The following AMBRA1 variants were observed in gnomAD, a reference collection of about 807,000 sequenced individuals.
The protein encoded by AMBRA1 is activating molecule in BECN1-regulated autophagy protein 1.
AMBRA1 carries 47 observed loss-of-function variants against 125.4 expected under a neutral mutation model. That is an observed-to-expected ratio of 0.37 (90% CI 0.30 to 0.48). AMBRA1 has a LOEUF of 0.48. Among genes scored for constraint, AMBRA1 ranks in the 20% least tolerant of loss-of-function variants. AMBRA1 has a pLI of 0.99. For synonymous variants in AMBRA1, 626 were observed against 655.5 expected (o/e 0.95, Z 0.69); for missense variants, 1,331 against 1,693.4 (o/e 0.79, Z 3.76).
intron 1 of AMBRA1, among the ~76,000 whole-genome samples, chr11:46,579,466 A>C (rs1208018014): frequency 6.6e-6 from 1 of 152,168 alleles, no homozygotes; most frequent in East Asian, 1.9e-4. Flanking sequence ...TCAATAAATA[A>C]ATAAATTAAG....
At chr11:46,573,661 T>C (rs1051118421) in intron 1 of AMBRA1, among the ~76,000 whole-genome samples, 2 of 138,346 alleles carry the variant, frequency 1.4e-5, no homozygotes, top group Non-Finnish European at 3.1e-5. Flanking sequence ...AGAATCCTTT[T>C]TCTTTTTTTT....
At chr11:46,578,142 C>A (rs1459657320) in intron 1 of AMBRA1, among the ~76,000 whole-genome samples, 5 of 151,980 alleles carry the variant, frequency 3.3e-5, no homozygotes, top group Non-Finnish European at 7.4e-5. Flanking sequence ...GCTAGGAGAA[C>A]TAAAAAGGAC....
intron 11 of AMBRA1, among the ~76,000 whole-genome samples, chr11:46,464,870 C>A (rs1342441552): frequency 1.3e-5 from 2 of 151,954 alleles, no homozygotes; most frequent in African/African-American, 4.8e-5. Context: ...CAGGGTGAAA[C>A]CCCGTCTCTA....
chr11:46,495,107 C>T (rs1036631863), intron 9 of AMBRA1: 1 of 152,214 alleles, frequency 6.6e-6, no homozygotes, highest in Non-Finnish European at 1.5e-5. Flanking sequence ...CTGCTTCCTA[C>T]AAGAGAAGAG....
intron 7 of AMBRA1, among the ~76,000 whole-genome samples, chr11:46,537,310 C>T (rs1050914635): frequency 3.9e-5 from 6 of 152,164 alleles, no homozygotes; most frequent in Non-Finnish European, 7.3e-5. Context: ...TCAAATGAAA[C>T]GGAGGAAAGG....
At chr11:46,591,941 A>ATT (rs1167665024) in intron 1 of AMBRA1, among the ~76,000 whole-genome samples, 3,824 of 115,082 alleles carry the variant, frequency 0.033, 277 homozygotes, top group African/African-American at 0.12. Flanking sequence ...CTCAAGACTG[A>ATT]TTTTTTTTTT....
chr11:46,449,740 T>C (rs1948479853), intron 11 of AMBRA1, among the ~76,000 whole-genome samples: 1 of 152,032 alleles, frequency 6.6e-6, no homozygotes, highest in Non-Finnish European at 1.5e-5. Flanking sequence ...AAACACAAAA[T>C]TGGAGGATTG....
At chr11:46,548,220 A>T (rs752761814) in intron 2 of AMBRA1, 26 bp downstream of exon 2, 1 of 1,613,898 alleles carries the variant, frequency 6.2e-7, no homozygotes, top group Non-Finnish European at 8.5e-7. Context: ...CACAAATCCT[A>T]TGTGAAATAT....
At chr11:46,422,085 A>G (rs1946873789) in intron 14 of AMBRA1, among the ~76,000 whole-genome samples, 2 of 152,202 alleles carry the variant, frequency 1.3e-5, no homozygotes, top group South Asian at 4.1e-4. Context: ...CACAAGAGAC[A>G]TGCCGTGCAG....
chr11:46,411,222 T>C (rs1170429462), intron 15 of AMBRA1, among the ~76,000 whole-genome samples: 5 of 151,866 alleles, frequency 3.3e-5, no homozygotes, highest in Non-Finnish European at 5.9e-5. Context: ...AAAAGTCAGC[T>C]ATTTAACCTA....
intron 5 of AMBRA1, among the ~76,000 whole-genome samples, chr11:46,545,161 CGG>C (rs59510298): frequency 0.43 from 14,612 of 33,912 alleles, 1,549 homozygotes; most frequent in South Asian, 0.52. Context: ...AAAAAAAAGC[CGG>C]GGGGGGGGGG....
chr11:46,575,795 G>GT (rs2043942930), intron 1 of AMBRA1, among the ~76,000 whole-genome samples: 1 of 152,168 alleles, frequency 6.6e-6, no homozygotes, highest in African/African-American at 2.4e-5. Flanking sequence ...GATTATAGGC[G>GT]TGAGCCTCCG....
At chr11:46,435,153 C>T in intron 12 of AMBRA1, 116 bp from the exon 13 acceptor site, 1 of 883,888 alleles carries the variant, frequency 1.1e-6, no homozygotes, top group Non-Finnish European at 1.7e-6. Flanking sequence ...TCTAGAAATG[C>T]TAAAGAATAC....
intron 7 of AMBRA1, among the ~76,000 whole-genome samples, chr11:46,527,476 T>A (rs1952024489): frequency 4.0e-4 from 4 of 10,038 alleles, no homozygotes; most frequent in South Asian, 1.7e-3. Flanking sequence ...TGAGACTGTC[T>A]CAAAAAAAAA....
At chr11:46,536,788 A>G (rs140622888) in intron 7 of AMBRA1, among the ~76,000 whole-genome samples, 1 of 152,286 alleles carries the variant, frequency 6.6e-6, no homozygotes, top group East Asian at 1.9e-4. Context: ...TCCCCCATAA[A>G]AGTCTAAGAA....
chr11:46,477,661 A>C (rs1040512964), intron 11 of AMBRA1, among the ~76,000 whole-genome samples: 2 of 152,100 alleles, frequency 1.3e-5, no homozygotes, highest in East Asian at 3.9e-4. Flanking sequence ...TTTATTGTAC[A>C]TAGGCTATAC....
chr11:46,417,790 G>C, intron 15 of AMBRA1, 123 bp downstream of exon 15: 1 of 1,211,128 alleles, frequency 8.3e-7, no homozygotes. Context: ...GAGTGGCGCT[G>C]AGAATGAGGC....
At chr11:46,485,442 C>T (rs1950232026) in intron 11 of AMBRA1, among the ~76,000 whole-genome samples, 1 of 152,236 alleles carries the variant, frequency 6.6e-6, no homozygotes, top group South Asian at 2.1e-4. Flanking sequence ...CCCAGGCTTA[C>T]ACCCCACCTC....
At chr11:46,417,193 A>T (rs1000051440) in intron 15 of AMBRA1, among the ~76,000 whole-genome samples, 3 of 152,074 alleles carry the variant, frequency 2.0e-5, no homozygotes, top group African/African-American at 7.2e-5. Flanking sequence ...CTGGGACTAC[A>T]GGCACGTGCC....
Sources: allele counts gnomAD v4.1 joint callset (sites outside exome capture counted in the v4.1 genomes callset), GRCh38; gene constraint gnomAD v4.1.1; transcripts MANE v1.5; gene names NCBI Gene and HGNC (gene_info 2026-07-23, HGNC 2026-07-21).